Variants in ACYP2 observed in about 807,000 individuals in gnomAD.
ACYP2 encodes the protein acylphosphatase 2.
Under a neutral mutation model 11.2 loss-of-function variants are expected in ACYP2, and 12 were observed. The ratio of observed to expected loss-of-function variants is 1.08; its 90% CI spans 0.69 to 1.74. The LOEUF is 1.74. Among genes scored for constraint, ACYP2 ranks in the 40% most tolerant of loss-of-function variants. The pLI is 0.00. For synonymous variants in ACYP2, 43 were observed against 32.2 expected, an observed-to-expected ratio of 1.33 and a Z score of -1.13; for missense variants, 134 against 101.9, an observed-to-expected ratio of 1.31 and a Z score of -1.35.
chr2:54,031,614 GATTT>G (rs1674592013), intron 2 of ACYP2, among the ~76,000 whole-genome samples: 1 of 152,152 alleles, frequency 6.6e-6, no homozygotes, highest in African/African-American at 2.4e-5. Flanking sequence ...ATAGCAGCAT[GATTT>G]ATAGTCCTTT....
intron 6 of ACYP2, among the ~76,000 whole-genome samples, chr2:54,222,279 GTGGCTCA>G (rs1685829863): frequency 6.6e-6 from 1 of 152,138 alleles, no homozygotes; most frequent in South Asian, 2.1e-4. Flanking sequence ...GCCAGGCGTG[GTGGCTCA>G]TGCCTGTAGT....
intron 6 of ACYP2, among the ~76,000 whole-genome samples, chr2:54,237,196 G>A (rs1356663683): frequency 6.6e-6 from 1 of 152,174 alleles, no homozygotes; most frequent in African/African-American, 2.4e-5. Flanking sequence ...TCCATAGGAG[G>A]TCTTGGAATC....
At chr2:54,277,585 G>C (rs1369411122) in intron 6 of ACYP2, among the ~76,000 whole-genome samples, 1 of 152,124 alleles carries the variant, frequency 6.6e-6, no homozygotes, top group Non-Finnish European at 1.5e-5. Flanking sequence ...GGCTGAGGCA[G>C]GAGAATCTGT....
intron 2 of ACYP2, among the ~76,000 whole-genome samples, chr2:54,008,496 T>A (rs1195022591): frequency 2.6e-5 from 4 of 152,168 alleles, no homozygotes; most frequent in Admixed American, 2.6e-4. Flanking sequence ...TGGTTTATTC[T>A]ACACAAATTT....
intron 6 of ACYP2, among the ~76,000 whole-genome samples, chr2:54,196,547 ATATT>A (rs1684488717): frequency 6.6e-6 from 1 of 152,306 alleles, no homozygotes; most frequent in Admixed American, 6.5e-5. Context: ...CATTAAATAA[ATATT>A]TATTAAGCTC....
At chr2:54,274,208 G>C (rs754356849) in intron 6 of ACYP2, among the ~76,000 whole-genome samples, 21 of 152,130 alleles carry the variant, frequency 1.4e-4, no homozygotes, top group Non-Finnish European at 3.1e-4. Context: ...GAGAGCTTGT[G>C]CAGTAAAACT....
In ACYP2 at chr2:54,227,771, G is replaced by T. The variant is rs115604756; in HGVS notation, c.405-76917G>T. On this transcript the variant is annotated intron_variant, in intron 6 of 6. Coordinates refer to ENST00000607452, the MANE Select transcript of ACYP2 (RefSeq NM_001320586.2). ...CCAAAGTAAGTTGTGATATTTTAAG[G>T]CTTTATCAATCCAAAGTATTGTTAC... Among the ~76,000 whole-genome samples, 1,001 of 152,280 alleles carry T rather than the reference G, an allele frequency of 6.6e-3. 6 individuals carry two copies. The highest frequency in any genetic ancestry group is 9.3e-3 in the Non-Finnish European group (630 of 68,018).
chr2:54,003,444 T>C (rs1014426638), intron 2 of ACYP2, among the ~76,000 whole-genome samples: 4 of 151,688 alleles, frequency 2.6e-5, no homozygotes, highest in South Asian at 2.1e-4. Flanking sequence ...ATTTTTAGTA[T>C]AGATGGGGTT....
chr2:54,149,659 A>G (rs904604977), intron 6 of ACYP2, among the ~76,000 whole-genome samples: 1 of 152,236 alleles, frequency 6.6e-6, no homozygotes, highest in African/African-American at 2.4e-5. Context: ...AAAATAAAAC[A>G]CTTGTATTTG....
At chr2:54,264,645 G>A (rs1380837332) in intron 6 of ACYP2, among the ~76,000 whole-genome samples, 3 of 152,202 alleles carry the variant, frequency 2.0e-5, no homozygotes, top group South Asian at 2.1e-4. Context: ...CTGGAGATGG[G>A]TGGATGCATA....
intron 4 of ACYP2, among the ~76,000 whole-genome samples, chr2:54,086,128 A>G (rs1677933637): frequency 6.6e-6 from 1 of 151,900 alleles, no homozygotes; most frequent in South Asian, 2.1e-4. Context: ...TTTTTTTAGT[A>G]CAGACAGGGT....
intron 4 of ACYP2, among the ~76,000 whole-genome samples, chr2:54,079,266 G>C (rs921343206): frequency 1.3e-5 from 2 of 152,164 alleles, no homozygotes; most frequent in Admixed American, 1.3e-4. Flanking sequence ...CACCTTTACT[G>C]TGTACCAGCC....
chr2:53,987,903 T>A (rs893148796), intron 2 of ACYP2, among the ~76,000 whole-genome samples: 2 of 152,214 alleles, frequency 1.3e-5, no homozygotes, highest in Non-Finnish European at 2.9e-5. Flanking sequence ...TTGGGAGTTC[T>A]TTATATAGTC....
At chr2:53,982,630 A>G (rs1035538813) in intron 2 of ACYP2, among the ~76,000 whole-genome samples, 6 of 152,202 alleles carry the variant, frequency 3.9e-5, no homozygotes, top group East Asian at 1.9e-4. Flanking sequence ...AGTTTTATCA[A>G]TTTTGAAAGG....
chr2:54,238,011 A>G (rs1456460626), intron 6 of ACYP2, among the ~76,000 whole-genome samples: 1 of 152,068 alleles, frequency 6.6e-6, no homozygotes, highest in Non-Finnish European at 1.5e-5. Flanking sequence ...CTAGATTTTT[A>G]AAAATATTGC....
chr2:54,272,497 G>C (rs756622672), intron 6 of ACYP2, among the ~76,000 whole-genome samples: 1 of 152,192 alleles, frequency 6.6e-6, no homozygotes, highest in Non-Finnish European at 1.5e-5. Context: ...GGTAGTCTAT[G>C]TTCTTGTTTT....
chr2:54,130,978 T>C (rs2103765469), intron 4 of ACYP2, among the ~76,000 whole-genome samples: 1 of 152,338 alleles, frequency 6.6e-6, no homozygotes, highest in Middle Eastern at 3.4e-3. Flanking sequence ...TCTAGGCTTA[T>C]GGATTTTACA....
At chr2:54,276,038 T>C (rs1688547141) in intron 6 of ACYP2, among the ~76,000 whole-genome samples, 1 of 152,186 alleles carries the variant, frequency 6.6e-6, no homozygotes, top group African/African-American at 2.4e-5. Context: ...GTTTATCCTT[T>C]CTATCCTTGT....
At chr2:54,039,223 T>TG (rs1302584560) in intron 2 of ACYP2, among the ~76,000 whole-genome samples, 2 of 151,768 alleles carry the variant, frequency 1.3e-5, no homozygotes, top group East Asian at 3.9e-4. Flanking sequence ...GGAAGTTTTT[T>TG]TTTTTTTTTT....
Sources: gnomAD v4.1 joint callset for allele counts (sites outside exome capture counted in the v4.1 genomes callset) on GRCh38, gnomAD v4.1.1 for gene constraint, MANE v1.5 for transcripts, NCBI Gene and HGNC (gene_info 2026-07-23, HGNC 2026-07-21) for gene names.